Variants in FAM107B observed in about 807,000 individuals in gnomAD.
FAM107B encodes the protein protein FAM107B.
A neutral mutation model predicts 31.5 loss-of-function variants in FAM107B; 21 were observed. The observed-to-expected ratio is 0.67, with a 90% confidence interval of 0.47 to 0.96. The LOEUF is 0.96. Ranked by LOEUF, FAM107B falls within the 40% of genes least tolerant of loss-of-function variation. The pLI is 0.00. For synonymous variants in FAM107B, 157 were observed against 141.5 expected, an observed-to-expected ratio of 1.11 and a Z score of -0.78; for missense variants, 452 against 377.1, an observed-to-expected ratio of 1.20 and a Z score of -1.64.
rs1851262957 is a variant in FAM107B, at chr10:14,571,966, T to C, written c.470-41451A>G. On this transcript the variant is annotated intron_variant, in intron 2 of 4. Transcript: ENST00000181796. ...GGCTCCTTAAGCCCAAGGTAGCAAA[T>C]AAAAAGATCGCAGTAAGAATGCACC... 3 of 985,118 alleles carry C rather than the reference T, an allele frequency of 3.0e-6. No homozygotes were observed. In the Admixed American group the frequency reaches 1.8e-4, roughly 61 times the overall value. The allele number at this position is 985,118 out of a possible 1,614,324, so 61.0% of individuals were successfully genotyped here. A position where few individuals can be genotyped will look rare whatever the true frequency, so the allele number is the denominator to read the frequency against.
At chr10:14,761,604 T>A (rs987037591) in intron 1 of FAM107B, among the ~76,000 whole-genome samples, 1 of 152,114 alleles carries the variant, frequency 6.6e-6, no homozygotes, top group African/African-American at 2.4e-5. Context: ...AGCTCTTTTT[T>A]CTTTTTTTTC....
At chr10:14,525,230 G>A (rs866276520) in intron 3 of FAM107B, among the ~76,000 whole-genome samples, 17 of 152,066 alleles carry the variant, frequency 1.1e-4, no homozygotes, top group African/African-American at 3.9e-4. Flanking sequence ...AGAATAGTTG[G>A]TTCTCTTTAA....
chr10:14,682,951 G>A (rs905781842), intron 1 of FAM107B, among the ~76,000 whole-genome samples: 7 of 152,040 alleles, frequency 4.6e-5, no homozygotes, highest in South Asian at 2.1e-4. Flanking sequence ...AAGCTCGAAC[G>A]TGGAATCCCG....
At chr10:14,676,600 T>G (rs1311945251) in intron 1 of FAM107B, among the ~76,000 whole-genome samples, 1 of 152,288 alleles carries the variant, frequency 6.6e-6, no homozygotes, top group East Asian at 1.9e-4. Flanking sequence ...CAGAAATGCC[T>G]CCAAGAAAGC....
chr10:14,714,328 G>A (rs942623139), intron 1 of FAM107B, among the ~76,000 whole-genome samples: 2 of 151,530 alleles, frequency 1.3e-5, no homozygotes, highest in African/African-American at 4.8e-5. Flanking sequence ...GCCTCTGTTA[G>A]CTCAGGGACT....
intron 1 of FAM107B, among the ~76,000 whole-genome samples, chr10:14,735,340 T>C (rs991882828): frequency 6.6e-6 from 1 of 152,148 alleles, no homozygotes; most frequent in African/African-American, 2.4e-5. Context: ...GAATCTTATG[T>C]GTGGCCCAAG....
At chr10:14,556,330 C>T in intron 2 of FAM107B, 2 of 985,128 alleles carry the variant, frequency 2.0e-6, no homozygotes, top group South Asian at 4.7e-5. Context: ...GGTGACTCCT[C>T]CCAAATGCAC....
intron 2 of FAM107B, among the ~76,000 whole-genome samples, chr10:14,596,207 C>G (rs1390971369): frequency 6.6e-6 from 1 of 151,942 alleles, no homozygotes; most frequent in Admixed American, 6.6e-5. Context: ...AATTCTCCTC[C>G]TCGGAGGAGC....
intron 2 of FAM107B, among the ~76,000 whole-genome samples, chr10:14,574,295 G>C (rs1170637468): frequency 6.6e-6 from 1 of 152,182 alleles, no homozygotes; most frequent in South Asian, 2.1e-4. Flanking sequence ...CAATATGTAT[G>C]CACGGTGGAT....
intron 1 of FAM107B, among the ~76,000 whole-genome samples, chr10:14,739,985 A>G (rs1479431994): frequency 6.6e-6 from 1 of 152,244 alleles, no homozygotes; most frequent in African/African-American, 2.4e-5. Context: ...CGGAGAAGAT[A>G]TAGAGCAACA....
At chr10:14,689,951 C>G (rs1298011530) in intron 1 of FAM107B, among the ~76,000 whole-genome samples, 1 of 143,966 alleles carries the variant, frequency 6.9e-6, no homozygotes, top group Non-Finnish European at 1.5e-5. Flanking sequence ...GTGACAGACT[C>G]TGCCTCAAAA....
intron 1 of FAM107B, among the ~76,000 whole-genome samples, chr10:14,765,006 AG>A (rs1833133995): frequency 6.6e-6 from 1 of 152,198 alleles, no homozygotes; most frequent in East Asian, 1.9e-4. Context: ...TGAAAATTGA[AG>A]GCAAAGGAAC....
Position 14,661,341 on chromosome 10 carries a change from C to T in FAM107B, c.469+6293G>A, listed in dbSNP as rs143177175. On this transcript the variant is annotated intron_variant, in intron 2 of 4. Coordinates refer to ENST00000181796, the MANE Select transcript of FAM107B (RefSeq NM_031453.4). ...TCTGGATGTGTCCAAGACAGTGTGT[C>T]CAGATGAGTTGAACATCTAAATCAG... is the stretch of plus-strand genomic sequence containing the variant. Among the ~76,000 whole-genome samples the T allele has an allele frequency of 6.2e-3, 938 of 152,274 alleles. 7 individuals are homozygous for T. Among genetic ancestry groups the T allele is most frequent in the South Asian group, 0.022 (108 of 4,820 alleles).
chr10:14,519,329 C>T lies in FAM107B; in HGVS notation c.*1861G>A, dbSNP rs1845415546. The T allele has an allele frequency of 1.3e-5, 2 of 151,982 alleles. No individual in the cohort carries two copies. The highest frequency in any genetic ancestry group is 2.4e-5 in the African/African-American group (1 of 41,362). The allele number at this position is 151,982 out of a possible 1,614,324, so 9.4% of individuals were successfully genotyped here. ...TTAGATAAAAAGATATGAGCCAGTCCCGAATCTTCATTTTACAAACAGCAT... is the reference window on the plus strand; with the variant it reads ...TTAGATAAAAAGATATGAGCCAGTCTCGAATCTTCATTTTACAAACAGCAT... On this transcript the variant is annotated 3_prime_UTR_variant, in exon 5 of 5. Coordinates refer to ENST00000181796, the MANE Select transcript of FAM107B (RefSeq NM_031453.4).
chr10:14,605,382 G>C (rs1389990875), intron 2 of FAM107B, among the ~76,000 whole-genome samples: 1 of 152,176 alleles, frequency 6.6e-6, no homozygotes, highest in Non-Finnish European at 1.5e-5. Flanking sequence ...ATCGGTTTCA[G>C]CGTAGCAAAA....
At chr10:14,655,485 T>C (rs1405773574) in intron 2 of FAM107B, among the ~76,000 whole-genome samples, 1 of 152,248 alleles carries the variant, frequency 6.6e-6, no homozygotes, top group Non-Finnish European at 1.5e-5. Context: ...AGTGGCGCAA[T>C]CTTGGCCCAC....
At chr10:14,642,479 C>T (rs1853652186) in intron 2 of FAM107B, among the ~76,000 whole-genome samples, 1 of 152,224 alleles carries the variant, frequency 6.6e-6, no homozygotes, top group South Asian at 2.1e-4. Context: ...ACTTTCTCAT[C>T]TAGTGAAATC....
chr10:14,636,013 G>A (rs753299651), intron 2 of FAM107B, among the ~76,000 whole-genome samples: 1 of 152,092 alleles, frequency 6.6e-6, no homozygotes, highest in African/African-American at 2.4e-5. Context: ...TAGTCTTTAC[G>A]CCAATCTACA....
intron 2 of FAM107B, among the ~76,000 whole-genome samples, chr10:14,634,080 T>C (rs1853435548): frequency 6.6e-6 from 1 of 152,158 alleles, no homozygotes; most frequent in East Asian, 1.9e-4. Context: ...TGTTATTGAT[T>C]TTTAAAATGA....
Sources: allele counts gnomAD v4.1 joint callset (sites outside exome capture counted in the v4.1 genomes callset), GRCh38; gene constraint gnomAD v4.1.1; transcripts MANE v1.5; gene names NCBI Gene and HGNC (gene_info 2026-07-23, HGNC 2026-07-21).